LAMP1: variants seen among roughly 807,000 people sequenced by gnomAD.
The protein encoded by LAMP1 is lysosome associated membrane protein 1, also known as lysosome-associated membrane glycoprotein 1.
A neutral mutation model predicts 37.5 loss-of-function variants in LAMP1; 7 were observed. The observed-to-expected ratio is 0.19, with a 90% confidence interval of 0.11 to 0.35. The LOEUF (loss-of-function observed/expected upper bound fraction) is 0.35. Among genes scored for constraint, LAMP1 ranks in the 10% least tolerant of loss-of-function variants. The probability of loss-of-function intolerance (pLI) is 1.00; values close to 1 mark genes in which losing one functional copy is unlikely to be tolerated. For synonymous variants in LAMP1, 236 were observed against 229.1 expected, an observed-to-expected ratio of 1.03 and a Z score of -0.27; for missense variants, 537 against 552.8, an observed-to-expected ratio of 0.97 and a Z score of 0.29.
At position 113,306,534 on chromosome 13, in the gene LAMP1, C is replaced by T. The variant is rs184787579; in HGVS notation, c.111C>T (p.Asn37=). The change falls in exon 2 of 9, where the codon AAC becomes AAT. Residue 37 remains asparagine, a synonymous_variant. Coordinates refer to ENST00000332556, the MANE Select transcript of LAMP1 (RefSeq NM_005561.4). The part of the protein sequence containing the change: ...SAAMFMVKNG[N]GTACIMANFS... ...CAATGTTTATGGTGAAAAATGGCAACGGGACCGCGTGCATAATGGCCAACT... is the reference window on the plus strand; with the variant it reads ...CAATGTTTATGGTGAAAAATGGCAATGGGACCGCGTGCATAATGGCCAACT... The T allele has an allele frequency of 2.2e-5, 36 of 1,614,022 alleles. No individual in the cohort carries two copies. In the African/African-American group the frequency reaches 3.7e-4, roughly 17 times the overall value.
intron 3 of LAMP1, among the ~76,000 whole-genome samples, chr13:113,310,170 A>G (rs2139364938): frequency 6.6e-6 from 1 of 152,198 alleles, no homozygotes; most frequent in Non-Finnish European, 1.5e-5. Context: ...CAGAGGTTGC[A>G]GTGAGCCGAG....
rs2042697786 is a variant in LAMP1, at chr13:113,321,327, A to G, written c.877-77A>G. 1 of 1,158,092 alleles carries G rather than the reference A, an allele frequency of 8.6e-7. No individual in the cohort carries two copies. Among genetic ancestry groups the G allele is most frequent in the Admixed American group, 1.7e-5 (1 of 59,300 alleles). The allele number at this position is 1,158,092 out of a possible 1,614,324, so 71.7% of individuals were successfully genotyped here. ...AATGACCATTCACGTTTGATGATAA[A>G]TGTGTGAATCTACTGGGGTTAAAGA... On this transcript the variant is annotated intron_variant, in intron 6 of 8. Transcript: ENST00000332556. This position sits in a 1 kb window ranked among gnomAD's most constrained non-coding sequence, Gnocchi z 5.6.
At chr13:113,319,855 G>A (rs1223844904) in intron 5 of LAMP1, among the ~76,000 whole-genome samples, 199 bp downstream of exon 5, 3 of 152,254 alleles carry the variant, frequency 2.0e-5, no homozygotes, top group Non-Finnish European at 4.4e-5. Context: ...CAGCCGTCCT[G>A]CTGGTTCCAT....
At chr13:113,311,364 G>A (rs951702599) in intron 4 of LAMP1, among the ~76,000 whole-genome samples, 4 of 152,190 alleles carry the variant, frequency 2.6e-5, no homozygotes, top group Non-Finnish European at 5.9e-5. Context: ...ACATGTAGGT[G>A]TATTTCAAAA....
chr13:113,314,213 G>A (rs1320287810), intron 4 of LAMP1, among the ~76,000 whole-genome samples: 44 of 113,990 alleles, frequency 3.9e-4, no homozygotes, highest in East Asian at 9.8e-4. Context: ...TGCCTGGGGC[G>A]TGGCCTCCTG....
Position 113,320,306 on chromosome 13 carries a change from C to T in LAMP1, c.751-39C>T. The T allele has an allele frequency of 6.2e-7, 1 of 1,612,254 alleles. No individual in the cohort carries two copies. Among genetic ancestry groups the T allele is most frequent in the African/African-American group, 1.3e-5 (1 of 75,006 alleles). ...TTGTCTTTTCGAGAGTGTGGAGGAC[C>T]TGAGCTAGGGTGGTGACTTGCTTGC... On this transcript the variant is annotated intron_variant, in intron 5 of 8. Transcript: ENST00000332556. This position sits in a 1 kb window ranked among gnomAD's most constrained non-coding sequence, Gnocchi z 4.4.
At chr13:113,306,435 G>T in intron 1 of LAMP1, 50 bp from the exon 2 acceptor site, 2 of 1,586,248 alleles carry the variant, frequency 1.3e-6, no homozygotes, top group South Asian at 1.1e-5. Context: ...ATACTCGGTC[G>T]TATTTTCTGG....
At chr13:113,300,098 G>T (rs1405772549) in intron 1 of LAMP1, among the ~76,000 whole-genome samples, 1 of 152,198 alleles carries the variant, frequency 6.6e-6, no homozygotes, top group Non-Finnish European at 1.5e-5. Flanking sequence ...AGCTGTGATT[G>T]CGTAATGTGA....
chr13:113,317,078 CA>C (rs1225313779), intron 4 of LAMP1, among the ~76,000 whole-genome samples: 1 of 152,146 alleles, frequency 6.6e-6, no homozygotes, highest in Non-Finnish European at 1.5e-5. Flanking sequence ...GTCTGAATTG[CA>C]GCTTGCAGGT....
intron 1 of LAMP1, among the ~76,000 whole-genome samples, chr13:113,303,055 C>G (rs1020180483): frequency 6.6e-6 from 1 of 152,166 alleles, no homozygotes; most frequent in Non-Finnish European, 1.5e-5. Flanking sequence ...CCCTCTGTAC[C>G]TGTGCAGATG....
intron 8 of LAMP1, chr13:113,322,021 A>C (rs2042703737): frequency 3.4e-6 from 2 of 584,404 alleles, no homozygotes; most frequent in Admixed American, 6.3e-5. Flanking sequence ...TCTGATGTGC[A>C]CAGAGGCCCT....
chr13:113,303,816 C>T (rs1310976939), intron 1 of LAMP1, among the ~76,000 whole-genome samples: 6 of 152,096 alleles, frequency 3.9e-5, no homozygotes, highest in Admixed American at 3.9e-4. Flanking sequence ...TGGCTTACAC[C>T]CATAATCCCA....
chr13:113,298,531 C>T (rs1297591873), intron 1 of LAMP1, among the ~76,000 whole-genome samples: 1 of 151,984 alleles, frequency 6.6e-6, no homozygotes, highest in Non-Finnish European at 1.5e-5. Context: ...CACTCCTGTA[C>T]ACATCTGCCT....
rs982035228 is a variant in LAMP1 at position 113,309,572 on chromosome 13, G to A, written c.184-71G>A. On this transcript the variant is annotated intron_variant, in intron 2 of 8. Transcript: ENST00000332556. ...AGTATAAGTTTATATCAGACTTACA[G>A]AAAATCTCTTTCTTTGAACTTTTAA... 5 of 1,191,602 alleles carry A rather than the reference G, an allele frequency of 4.2e-6. No homozygotes were observed. The East Asian group carries it at 1.2e-4, about 28-fold the overall frequency. The allele number at this position is 1,191,602 out of a possible 1,614,324, so 73.8% of individuals were successfully genotyped here. A position where few individuals can be genotyped will look rare whatever the true frequency, so the allele number is the denominator to read the frequency against.
At chr13:113,304,792 G>A (rs2139358718) in intron 1 of LAMP1, 1 of 152,244 alleles carries the variant, frequency 6.6e-6, no homozygotes, top group African/African-American at 2.4e-5. Context: ...TAGTACCTGG[G>A]ATTACAGGCG....
At chr13:113,318,426 G>A (rs189640216) in intron 4 of LAMP1, among the ~76,000 whole-genome samples, 1 of 152,336 alleles carries the variant, frequency 6.6e-6, no homozygotes, top group African/African-American at 2.4e-5. Flanking sequence ...GATGTGGAAA[G>A]GATCGAATTG....
chr13:113,314,536 G>A (rs112172030), intron 4 of LAMP1, among the ~76,000 whole-genome samples: 1 of 24,036 alleles, frequency 4.2e-5, no homozygotes, highest in Non-Finnish European at 6.9e-5. Flanking sequence ...GGAGATGCCC[G>A]TGTGCCTGGG....
intron 1 of LAMP1, chr13:113,305,866 T>G (rs143455753): frequency 6.6e-6 from 1 of 152,290 alleles, no homozygotes; most frequent in African/African-American, 2.4e-5. Context: ...GAACAGCGTA[T>G]GCCTAGGATG....
intron 3 of LAMP1, among the ~76,000 whole-genome samples, chr13:113,310,352 C>A (rs569160898): frequency 6.6e-6 from 1 of 151,766 alleles, no homozygotes; most frequent in Admixed American, 6.6e-5. Flanking sequence ...ATGGTGAAAC[C>A]CCCTCTCTAC....
Sources: gnomAD v4.1 joint callset for allele counts (sites outside exome capture counted in the v4.1 genomes callset) on GRCh38, gnomAD v4.1.1 for gene constraint, Gnocchi (gnomAD v3.1) non-coding constraint, MANE v1.5 for transcripts, NCBI Gene and HGNC (gene_info 2026-07-23, HGNC 2026-07-21) for gene names.